TENM3: variants seen among roughly 807,000 people sequenced by gnomAD.
TENM3 encodes the protein teneurin-3.
TENM3 carries 63 observed loss-of-function variants against 255.1 expected under a neutral mutation model. The observed-to-expected ratio is 0.25, with a 90% confidence interval of 0.20 to 0.30. The LOEUF is 0.30. Ranked by LOEUF, TENM3 falls within the 10% of genes least tolerant of loss-of-function variation. The probability of loss-of-function intolerance (pLI) is 1.00; values close to 1 mark genes in which losing one functional copy is unlikely to be tolerated. For missense variants in TENM3, 2,929 were observed against 3,461.1 expected (o/e 0.85, Z 3.86); for synonymous variants, 1,306 against 1,322.3 (o/e 0.99, Z 0.27).
chr4:181,782,302 G>A, the TENM3 span, among the ~76,000 whole-genome samples: 8 of 152,278 alleles, frequency 5.3e-5, no homozygotes, highest in Non-Finnish European at 1.0e-4. Flanking sequence ...TTCAGAGCCT[G>A]TTATTGGTCT....
At chr4:181,800,566 G>C in the TENM3 span, among the ~76,000 whole-genome samples, 1 of 152,144 alleles carries the variant, frequency 6.6e-6, no homozygotes, top group South Asian at 2.1e-4. Flanking sequence ...CCGGGAGGTG[G>C]AGGTTGCAGT....
intron 3 of TENM3, among the ~76,000 whole-genome samples, chr4:182,446,889 A>G (rs1275788141): frequency 6.9e-6 from 1 of 145,622 alleles, no homozygotes. Context: ...GTGACCCCCC[A>G]CCCCCCTCAG....
At position 182,792,385 on chromosome 4, in the gene TENM3, A is replaced by G. The variant is rs930340842; in HGVS notation, c.5713A>G (p.Ile1905Val). ...PSVARHTMQT[I>V]RSIGYYRNIY... is the part of the protein sequence containing the mutation. ...TGTGGCTCGCCACACCATGCAGACC[A>G]TCCGATCCATTGGCTACTACCGCAA... is the stretch of plus-strand genomic sequence containing the variant. The change falls in exon 26 of 28, where the codon ATC (isoleucine) becomes GTC (valine). Residue 1905 changes from isoleucine to valine, a missense_variant. Coordinates refer to ENST00000511685, the MANE Select transcript of TENM3 (RefSeq NM_001080477.4). The surrounding 1 kb of genome is among the most constrained non-coding windows in gnomAD (Gnocchi z 6.3). The G allele has an allele frequency of 1.1e-5, 17 of 1,613,906 alleles. No individual in the cohort carries two copies. The highest frequency in any genetic ancestry group is 1.4e-5 in the Non-Finnish European group (17 of 1,179,906).
At chr4:181,720,481 AAAGTATTT>A in the TENM3 span, among the ~76,000 whole-genome samples, 1 of 152,204 alleles carries the variant, frequency 6.6e-6, no homozygotes, top group Non-Finnish European at 1.5e-5. Context: ...CCACTGATTG[AAAGTATTT>A]ATACAGGGCA....
intron 1 of TENM3, among the ~76,000 whole-genome samples, chr4:182,171,639 G>GTAT (rs984222526): frequency 6.6e-6 from 1 of 152,062 alleles, no homozygotes; most frequent in Admixed American, 6.6e-5. Context: ...CAGATAGATT[G>GTAT]GTTGTAATGC....
the TENM3 span, among the ~76,000 whole-genome samples, chr4:181,603,365 A>G: frequency 6.6e-6 from 1 of 152,118 alleles, no homozygotes; most frequent in African/African-American, 2.4e-5. Flanking sequence ...AGAACTATCA[A>G]CCCGAAAGCA....
chr4:181,553,710 G>C, the TENM3 span, among the ~76,000 whole-genome samples: 5 of 152,036 alleles, frequency 3.3e-5, no homozygotes, highest in Non-Finnish European at 7.4e-5. Context: ...CAAAGTGTTG[G>C]GATTACAGGC....
chr4:182,011,490 T>C, the TENM3 span, among the ~76,000 whole-genome samples: 1 of 152,198 alleles, frequency 6.6e-6, no homozygotes, highest in South Asian at 2.1e-4. Flanking sequence ...CAGTCCATCA[T>C]CTGAGCTGTA....
intron 3 of TENM3, among the ~76,000 whole-genome samples, chr4:182,365,555 A>G (rs537905365): frequency 1.3e-5 from 2 of 152,342 alleles, no homozygotes; most frequent in Non-Finnish European, 2.9e-5. Context: ...GGTGCCAAGA[A>G]GTTCTGCATT....
At chr4:182,389,551 T>C (rs1017157859) in intron 3 of TENM3, among the ~76,000 whole-genome samples, 3 of 152,192 alleles carry the variant, frequency 2.0e-5, no homozygotes, top group Admixed American at 6.5e-5. Flanking sequence ...ATCTGAAATT[T>C]AACTATCTAA....
the TENM3 span, among the ~76,000 whole-genome samples, chr4:181,721,523 C>A: frequency 2.0e-4 from 15 of 75,310 alleles, no homozygotes; most frequent in East Asian, 4.1e-3. Flanking sequence ...TGGCGTGAAC[C>A]CGGGAGGCGG....
intron 1 of TENM3, among the ~76,000 whole-genome samples, chr4:182,196,771 G>T (rs2149809002): frequency 6.6e-6 from 1 of 152,272 alleles, no homozygotes; most frequent in African/African-American, 2.4e-5. Flanking sequence ...CTACACATTT[G>T]AAAGGAACAT....
rs979031566 is a variant in TENM3, at chr4:182,566,702, T to C, written c.512-34222T>C. Among the ~76,000 whole-genome samples the C allele has an allele frequency of 2.6e-5, 4 of 152,220 alleles. 1 individual carries two copies. Among genetic ancestry groups the C allele is most frequent in the Admixed American group, 6.5e-5 (1 of 15,286 alleles). On this transcript the variant is annotated intron_variant, in intron 3 of 27. Coordinates refer to ENST00000511685, the MANE Select transcript of TENM3 (RefSeq NM_001080477.4). Reference sequence around the variant, plus strand: ...ATTGAGGCCACCAATGGAATGTCATTATGCATTTACAAAGATGCACACCTG... The same window carrying C: ...ATTGAGGCCACCAATGGAATGTCATCATGCATTTACAAAGATGCACACCTG...
chr4:181,522,152 G>T, the TENM3 span, among the ~76,000 whole-genome samples: 13,488 of 144,792 alleles, frequency 0.093, 708 homozygotes, highest in East Asian at 0.2. Flanking sequence ...TGTGGAGAGA[G>T]TGTATTACTC....
intron 2 of TENM3, among the ~76,000 whole-genome samples, chr4:182,341,935 G>A (rs963194311): frequency 2.0e-5 from 3 of 152,066 alleles, no homozygotes; most frequent in Non-Finnish European, 4.4e-5. Context: ...CCCTCATTGC[G>A]AACTCCAAGT....
chr4:182,676,824 G>A (rs371887917), intron 7 of TENM3, among the ~76,000 whole-genome samples: 4 of 152,130 alleles, frequency 2.6e-5, no homozygotes, highest in Admixed American at 6.6e-5. Context: ...ATATTAAATC[G>A]TAAGAAAATG....
At chr4:181,566,128 T>A in the TENM3 span, among the ~76,000 whole-genome samples, 1 of 152,222 alleles carries the variant, frequency 6.6e-6, no homozygotes, top group Admixed American at 6.5e-5. Context: ...ATTAAAATAA[T>A]TTGGGGAAAT....
At chr4:182,526,361 G>A (rs1739182513) in intron 3 of TENM3, among the ~76,000 whole-genome samples, 1 of 152,066 alleles carries the variant, frequency 6.6e-6, no homozygotes, top group African/African-American at 2.4e-5. Context: ...TCACTGTCCT[G>A]TTGTGATTGG....
intron 22 of TENM3, among the ~76,000 whole-genome samples, chr4:182,760,215 G>A (rs1422927934): frequency 6.6e-6 from 1 of 152,056 alleles, no homozygotes; most frequent in African/African-American, 2.4e-5. Flanking sequence ...AAAAACAGTG[G>A]CCACACGCGA....
Sources: allele counts gnomAD v4.1 joint callset (sites outside exome capture counted in the v4.1 genomes callset), GRCh38; gene constraint gnomAD v4.1.1; non-coding constraint Gnocchi (gnomAD v3.1); transcripts MANE v1.5; gene names NCBI Gene and HGNC (gene_info 2026-07-23, HGNC 2026-07-21).